Variants in STK3 observed in about 807,000 individuals in gnomAD.
STK3 encodes serine/threonine-protein kinase 3.
Under a neutral mutation model 58.0 loss-of-function variants are expected in STK3, and 41 were observed. That is an observed-to-expected ratio of 0.71 (90% confidence interval 0.55 to 0.92). The LOEUF (loss-of-function observed/expected upper bound fraction) is 0.92, where lower values mean the gene tolerates loss of function less well. Ranked by LOEUF, STK3 falls within the 40% of genes least tolerant of loss-of-function variation. The pLI is 0.00. For missense variants in STK3, 479 were observed against 602.7 expected, an observed-to-expected ratio of 0.79 and a Z score of 2.15; for synonymous variants, 170 against 191.0, an observed-to-expected ratio of 0.89 and a Z score of 0.91.
intron 6 of STK3, chr8:98,602,105 C>A (rs1407966943): frequency 6.6e-6 from 1 of 152,166 alleles, no homozygotes; most frequent in Non-Finnish European, 1.5e-5. Context: ...AACTTCAGAA[C>A]TTTCCATATT....
intron 7 of STK3, among the ~76,000 whole-genome samples, chr8:98,582,983 T>C (rs1241933836): frequency 6.6e-6 from 1 of 152,114 alleles, no homozygotes; most frequent in Non-Finnish European, 1.5e-5. Flanking sequence ...ATATCTTCCT[T>C]TATATTATGT....
At chr8:98,814,711 G>A (rs1834439274) in intron 1 of STK3, among the ~76,000 whole-genome samples, 1 of 152,086 alleles carries the variant, frequency 6.6e-6, no homozygotes, top group Admixed American at 6.6e-5. Flanking sequence ...TTGAGACAGG[G>A]TCTCACTCTG....
chr8:98,757,209 C>G (rs1205152269), intron 3 of STK3, among the ~76,000 whole-genome samples: 2 of 151,096 alleles, frequency 1.3e-5, no homozygotes, highest in African/African-American at 4.9e-5. Flanking sequence ...GAGACAGAGT[C>G]TCGCTCTGTC....
chr8:98,412,021 A>T (rs1586552049), intron 3 of STK3, among the ~76,000 whole-genome samples: 1 of 152,300 alleles, frequency 6.6e-6, no homozygotes, highest in East Asian at 1.9e-4. Context: ...TCCAGTTTAA[A>T]ATCAGCTCTC....
chr8:98,614,790 CCT>C (rs1211458336), intron 6 of STK3, among the ~76,000 whole-genome samples: 2 of 152,202 alleles, frequency 1.3e-5, no homozygotes, highest in Non-Finnish European at 2.9e-5. Context: ...ATATCCCACA[CCT>C]GGCTTGGAGG....
At chr8:98,497,330 A>C (rs1023642541) in intron 10 of STK3, among the ~76,000 whole-genome samples, 5 of 152,188 alleles carry the variant, frequency 3.3e-5, no homozygotes, top group Non-Finnish European at 7.4e-5. Context: ...GTAACAGCTA[A>C]AACTATAAGA....
intron 4 of STK3, among the ~76,000 whole-genome samples, chr8:98,717,179 T>C (rs1224785689): frequency 6.6e-6 from 1 of 151,084 alleles, no homozygotes. Flanking sequence ...CAAATTGGAC[T>C]TCATGAAAAT....
intron 8 of STK3, among the ~76,000 whole-genome samples, chr8:98,577,124 C>T (rs1445781195): frequency 1.3e-5 from 2 of 152,128 alleles, no homozygotes; most frequent in Admixed American, 6.6e-5. Flanking sequence ...TCAGTTTTTT[C>T]CAGTTTAACA....
chr8:98,761,350 C>T (rs1014512871), intron 3 of STK3, among the ~76,000 whole-genome samples: 7 of 151,804 alleles, frequency 4.6e-5, no homozygotes, highest in African/African-American at 1.7e-4. Flanking sequence ...GTCTTGAACT[C>T]CTGAGTTCAA....
chr8:98,696,264 A>T (rs1664943887), intron 6 of STK3, among the ~76,000 whole-genome samples: 1 of 152,112 alleles, frequency 6.6e-6, no homozygotes, highest in Admixed American at 6.6e-5. Flanking sequence ...GGGCTGAGAC[A>T]ATGGGGTTTT....
At chr8:98,512,903 T>C (rs1023986753) in intron 10 of STK3, among the ~76,000 whole-genome samples, 1 of 152,206 alleles carries the variant, frequency 6.6e-6, no homozygotes, top group African/African-American at 2.4e-5. Context: ...CATATGTCTA[T>C]ACCCAAATGC....
chr8:98,649,073 A>AC (rs1563844027), intron 6 of STK3, among the ~76,000 whole-genome samples: 1 of 151,570 alleles, frequency 6.6e-6, no homozygotes, highest in African/African-American at 2.4e-5. Context: ...AAAAAAAAAA[A>AC]CTCAATGTTA....
At chr8:98,473,385 T>C (rs1338152368) in intron 10 of STK3, among the ~76,000 whole-genome samples, 3 of 152,184 alleles carry the variant, frequency 2.0e-5, no homozygotes, top group Admixed American at 6.5e-5. Flanking sequence ...ATCAACATGA[T>C]ATACTTTCTG....
intron 10 of STK3, among the ~76,000 whole-genome samples, chr8:98,458,102 TACACACACATATACACACAC>T (rs1369447890): frequency 8.1e-6 from 1 of 123,310 alleles, no homozygotes; most frequent in Admixed American, 9.0e-5. Context: ...CAATATCACA[TACACACACATATACACACAC>T]ACACACACAC....
intron 3 of STK3, among the ~76,000 whole-genome samples, chr8:98,419,745 T>C (rs1250670880): frequency 1.3e-5 from 2 of 152,224 alleles, no homozygotes; most frequent in South Asian, 2.1e-4. Context: ...CCAGTTTCTA[T>C]GATCTGCTTC....
chr8:98,344,588 A>G, the STK3 span, among the ~76,000 whole-genome samples: 4 of 152,040 alleles, frequency 2.6e-5, no homozygotes, highest in African/African-American at 4.8e-5. Context: ...CACAGGAGCC[A>G]TGAGTAGAAA....
chr8:98,925,394 C>T (rs550056827), intron 1 of STK3, among the ~76,000 whole-genome samples: 21 of 152,230 alleles, frequency 1.4e-4, no homozygotes, highest in Non-Finnish European at 3.1e-4. Context: ...GACTATTCTG[C>T]AACAAGTTCC....
intron 3 of STK3, chr8:98,434,032 G>C (rs1044238065): frequency 6.6e-6 from 1 of 152,192 alleles, no homozygotes; most frequent in African/African-American, 2.4e-5. Context: ...TGAAGGCTAG[G>C]AGATCCCCTA....
intron 6 of STK3, among the ~76,000 whole-genome samples, chr8:98,697,000 G>A (rs1345827524): frequency 2.0e-5 from 3 of 152,120 alleles, no homozygotes; most frequent in South Asian, 4.1e-4. Context: ...ACTCTTTTTG[G>A]TTGGTAAGCT....
Sources: allele counts gnomAD v4.1 joint callset (sites outside exome capture counted in the v4.1 genomes callset), GRCh38; gene constraint gnomAD v4.1.1; transcripts MANE v1.5; gene names NCBI Gene and HGNC (gene_info 2026-07-23, HGNC 2026-07-21).